The following TWSG1 variants were observed in gnomAD, a reference collection of about 807,000 sequenced individuals.
The protein encoded by TWSG1 is twisted gastrulation BMP signaling modulator 1.
Under a neutral mutation model 23.0 loss-of-function variants are expected in TWSG1, and 15 were observed. That is an observed-to-expected ratio of 0.65 (90% CI 0.44 to 1.00). The LOEUF (loss-of-function observed/expected upper bound fraction) is 1.00. Ranked by LOEUF, TWSG1 falls within the 50% of genes least tolerant of loss-of-function variation. The pLI is 0.00. For missense variants in TWSG1, 242 were observed against 278.7 expected (o/e 0.87, Z 0.94); for synonymous variants, 86 against 92.8 (o/e 0.93, Z 0.42).
intron 2 of TWSG1, among the ~76,000 whole-genome samples, chr18:9,342,419 A>G (rs1302058344): frequency 6.6e-6 from 1 of 152,234 alleles, no homozygotes; most frequent in African/African-American, 2.4e-5. Flanking sequence ...CTTTATTTAC[A>G]GGTATATTCT....
intron 3 of TWSG1, among the ~76,000 whole-genome samples, chr18:9,378,585 G>C (rs2040641722): frequency 6.6e-6 from 1 of 152,164 alleles, no homozygotes; most frequent in Non-Finnish European, 1.5e-5. Flanking sequence ...TCTACAGTGA[G>C]AATTACAAAA....
chr18:9,339,485 T>C (rs1276978902), intron 2 of TWSG1, among the ~76,000 whole-genome samples: 1 of 152,082 alleles, frequency 6.6e-6, no homozygotes, highest in African/African-American at 2.4e-5. Context: ...GGTTTTGCCA[T>C]GTTGCCAAGG....
intron 3 of TWSG1, among the ~76,000 whole-genome samples, chr18:9,382,936 C>T (rs549422249): frequency 1.3e-5 from 2 of 151,976 alleles, no homozygotes; most frequent in South Asian, 2.1e-4. Context: ...TAACCAATAA[C>T]AAAAAGGTTG....
intron 1 of TWSG1, among the ~76,000 whole-genome samples, chr18:9,335,281 C>T (rs1307267479): frequency 6.6e-6 from 1 of 152,256 alleles, no homozygotes; most frequent in Non-Finnish European, 1.5e-5. Context: ...GGCCCTGGCA[C>T]CGCTCTACAG....
rs372962540 is a variant in TWSG1, at chr18:9,391,715, AT to A, written c.224-4564del. 5.6e-3 allele frequency among the ~76,000 whole-genome samples: 847 copies of A among 152,360 alleles called. 8 individuals carry two copies. Among genetic ancestry groups the A allele is most frequent in the African/African-American group, 0.02 (813 of 41,590 alleles). On this transcript the variant is annotated intron_variant, in intron 3 of 4. Coordinates refer to ENST00000262120, the MANE Select transcript of TWSG1 (RefSeq NM_020648.6). ...TGACACAGAGACACAAAGTGAGCAC[AT>A]GCTATTGGGAAAATGGCACTGATAG... is the stretch of plus-strand genomic sequence containing the variant.
intron 3 of TWSG1, among the ~76,000 whole-genome samples, chr18:9,389,868 A>G (rs1196598871): frequency 1.3e-5 from 2 of 152,256 alleles, no homozygotes; most frequent in African/African-American, 4.8e-5. Flanking sequence ...AGATCACTGC[A>G]GTAAAGCGAA....
At chr18:9,368,422 T>C (rs2040589418) in intron 3 of TWSG1, among the ~76,000 whole-genome samples, 1 of 152,192 alleles carries the variant, frequency 6.6e-6, no homozygotes, top group Non-Finnish European at 1.5e-5. Flanking sequence ...AGGTTGGTCT[T>C]GAACTCTTGA....
intron 3 of TWSG1, among the ~76,000 whole-genome samples, chr18:9,366,912 G>A (rs926249536): frequency 2.0e-5 from 3 of 152,116 alleles, no homozygotes; most frequent in Non-Finnish European, 4.4e-5. Context: ...CCTTTTCTGT[G>A]TATGGTGAGA....
In TWSG1 at chr18:9,360,042, C is replaced by A. The variant is rs145253009; in HGVS notation, c.194C>A (p.Ala65Asp). Reference sequence around the variant, plus strand: ...AAGGAGTGCATGCTGTGTCTTGGGGCCCTTTGGGACGAGTGCTGTGACTGT... The same window carrying A: ...AAGGAGTGCATGCTGTGTCTTGGGGACCTTTGGGACGAGTGCTGTGACTGT... ...CCKECMLCLG[A>D]LWDECCDCVG... Residue 65 changes from alanine to aspartate, a missense_variant, in exon 3 of 5, where the codon GCC becomes GAC. Coordinates refer to ENST00000262120, the MANE Select transcript of TWSG1 (RefSeq NM_020648.6). The A allele has an allele frequency of 1.3e-5, 21 of 1,613,292 alleles. No homozygotes were observed. Among genetic ancestry groups the A allele is most frequent in the Non-Finnish European group, 1.8e-5 (21 of 1,179,600 alleles).
chr18:9,351,453 A>G (rs1055757459), intron 2 of TWSG1, among the ~76,000 whole-genome samples: 21 of 152,104 alleles, frequency 1.4e-4, no homozygotes, highest in African/African-American at 4.8e-4. Flanking sequence ...GAAAAAAATT[A>G]TGTTTGGTTA....
chr18:9,366,344 G>A (rs940834278), intron 3 of TWSG1, among the ~76,000 whole-genome samples: 8 of 152,136 alleles, frequency 5.3e-5, no homozygotes, highest in African/African-American at 9.7e-5. Context: ...GGAAAGAGCC[G>A]GAAAAGGTGG....
intron 2 of TWSG1, 58 bp downstream of exon 2, chr18:9,337,410 G>C: frequency 6.4e-7 from 1 of 1,571,380 alleles, no homozygotes; most frequent in Non-Finnish European, 8.7e-7. Flanking sequence ...GAAACATTAT[G>C]TTTATATACA....
intron 3 of TWSG1, among the ~76,000 whole-genome samples, chr18:9,393,911 A>G (rs1180913092): frequency 6.6e-6 from 1 of 152,206 alleles, no homozygotes; most frequent in Non-Finnish European, 1.5e-5. Context: ...ATATAGAGAA[A>G]TTTGCCAGAA....
rs781287145 is a variant in TWSG1, at chr18:9,396,338, G to A, written c.282G>A (p.Glu94=). The A allele has an allele frequency of 3.7e-6, 6 of 1,614,150 alleles. No individual in the cohort carries two copies. In the South Asian group the frequency reaches 6.6e-5, roughly 18 times the overall value. ...CTCCAACTTCAAAGAGCACAGTGGA[G>A]GAGCTGCATGAACCGATCCCTTCTC... ...DTPPTSKSTV[E]ELHEPIPSLF... is the part of the protein sequence containing the mutation. Residue 94 remains glutamate, a synonymous_variant, in exon 4 of 5, where the codon GAG becomes GAA. Transcript: ENST00000262120.
At chr18:9,360,187 T>TA in intron 3 of TWSG1, 116 bp downstream of exon 3, 1 of 707,102 alleles carries the variant, frequency 1.4e-6, no homozygotes, top group South Asian at 1.9e-5. Context: ...GTGTGTGAAA[T>TA]ATAGTAAACA....
intron 2 of TWSG1, among the ~76,000 whole-genome samples, chr18:9,352,809 C>T (rs918284387): frequency 6.6e-6 from 1 of 152,100 alleles, no homozygotes; most frequent in Admixed American, 6.5e-5. Flanking sequence ...TTTGGGAGTT[C>T]ATACAATAAA....
rs1341239389 is a variant in TWSG1, at chr18:9,401,548, T to C, written c.*2021T>C. On this transcript the variant is annotated 3_prime_UTR_variant, in exon 5 of 5. Transcript: ENST00000262120. ...GATAATTTCTTAAACCACATTGTTT[T>C]AATTGATTTTTCTTATCTTGATTTC... 6.6e-6 allele frequency: 1 copy of C among 152,204 alleles called. No homozygotes were observed. Among genetic ancestry groups the C allele is most frequent in the Non-Finnish European group, 1.5e-5 (1 of 68,032 alleles). 9.4% of individuals were successfully genotyped at this position (152,204 alleles called of 1,614,324 possible).
At chr18:9,375,942 G>A (rs2040628415) in intron 3 of TWSG1, among the ~76,000 whole-genome samples, 3 of 151,264 alleles carry the variant, frequency 2.0e-5, no homozygotes, top group Admixed American at 1.3e-4. Context: ...CTTAGATGGA[G>A]TCTCGCTCTT....
intron 3 of TWSG1, among the ~76,000 whole-genome samples, chr18:9,374,963 T>C (rs1339702224): frequency 2.0e-5 from 3 of 152,036 alleles, no homozygotes; most frequent in Non-Finnish European, 4.4e-5. Context: ...GTCAGGAGAT[T>C]GAGAACATCC....
Sources: allele counts gnomAD v4.1 joint callset (sites outside exome capture counted in the v4.1 genomes callset), GRCh38; gene constraint gnomAD v4.1.1; transcripts MANE v1.5; gene names NCBI Gene and HGNC (gene_info 2026-07-23, HGNC 2026-07-21).